STK39: variants seen among roughly 807,000 people sequenced by gnomAD.
The protein encoded by STK39 is serine/threonine kinase 39.
Under a neutral mutation model 77.8 loss-of-function variants are expected in STK39, and 20 were observed. The ratio of observed to expected loss-of-function variants is 0.26; its 90% confidence interval spans 0.18 to 0.37. The LOEUF (loss-of-function observed/expected upper bound fraction) is 0.37, where lower values mean the gene tolerates loss of function less well. STK39 is among the 10% of genes least tolerant of loss of function. The probability of loss-of-function intolerance (pLI) is 1.00; values close to 1 mark genes in which losing one functional copy is unlikely to be tolerated. For synonymous variants in STK39, 246 were observed against 234.1 expected (o/e 1.05, Z -0.47); for missense variants, 479 against 656.5 (o/e 0.73, Z 2.95).
At chr2:168,176,869 G>A (rs181469132) in intron 2 of STK39, among the ~76,000 whole-genome samples, 33 of 152,280 alleles carry the variant, frequency 2.2e-4, no homozygotes, top group Admixed American at 9.8e-4. Flanking sequence ...GAATTACCAT[G>A]CATGATTTGC....
At chr2:168,216,477 C>A (rs762911697) in intron 1 of STK39, among the ~76,000 whole-genome samples, 6 of 152,164 alleles carry the variant, frequency 3.9e-5, no homozygotes, top group African/African-American at 4.8e-5. Context: ...AACAGAAGCA[C>A]GCCTGCACAC....
At chr2:167,994,385 C>A (rs1423957182) in intron 16 of STK39, among the ~76,000 whole-genome samples, 1 of 152,132 alleles carries the variant, frequency 6.6e-6, no homozygotes, top group South Asian at 2.1e-4. Flanking sequence ...TACAATGCTA[C>A]AATGCAAACA....
At chr2:168,142,952 G>A (rs1291079495) in intron 5 of STK39, among the ~76,000 whole-genome samples, 1 of 152,172 alleles carries the variant, frequency 6.6e-6, no homozygotes, top group Admixed American at 6.5e-5. Context: ...ATATTATATT[G>A]AGATAGCTTG....
At chr2:168,243,863 C>A (rs920656671) in intron 1 of STK39, among the ~76,000 whole-genome samples, 1 of 152,162 alleles carries the variant, frequency 6.6e-6, no homozygotes, top group Admixed American at 6.5e-5. Context: ...GCTTTAAGTG[C>A]CCCTTATACT....
chr2:167,971,285 T>C (rs1194384137), intron 16 of STK39, among the ~76,000 whole-genome samples: 1 of 152,206 alleles, frequency 6.6e-6, no homozygotes, highest in East Asian at 1.9e-4. Flanking sequence ...GGTCTAGGAA[T>C]GGATTTAATC....
chr2:168,078,856 G>C (rs370321397), intron 10 of STK39, among the ~76,000 whole-genome samples: 2 of 151,978 alleles, frequency 1.3e-5, no homozygotes, highest in East Asian at 3.9e-4. Flanking sequence ...CCTTCGGTGG[G>C]AATCCTGCAC....
In STK39 at chr2:168,223,510, CAAAAAAA is replaced by C. The variant is rs60067513; in HGVS notation, c.208+23711_208+23717del. Among the ~76,000 whole-genome samples the C allele has an allele frequency of 1.2e-4, 12 of 102,214 alleles. 1 individual carries two copies. The highest frequency in any genetic ancestry group is 4.1e-4 in the African/African-American group (11 of 26,814). 67.1% of individuals were successfully genotyped at this position (102,214 alleles called of 152,430 possible). On this transcript the variant is annotated intron_variant, in intron 1 of 17. Coordinates refer to ENST00000355999, the MANE Select transcript of STK39 (RefSeq NM_013233.3). ...TGGGTGACAGAGTGAGACTCCGTCTCAAAAAAAAAAAAAAAAAAAGAAAAGAAAATTC... is the reference window on the plus strand; with the variant it reads ...TGGGTGACAGAGTGAGACTCCGTCTCAAAAAAAAAAAAGAAAAGAAAATTC...
intron 14 of STK39, among the ~76,000 whole-genome samples, chr2:168,059,425 G>C (rs772751206): frequency 1.1e-4 from 16 of 152,198 alleles, no homozygotes; most frequent in Non-Finnish European, 2.2e-4. Context: ...GAAAAACCTT[G>C]AACAGAAAGA....
intron 10 of STK39, among the ~76,000 whole-genome samples, chr2:168,076,285 T>C (rs1371657788): frequency 1.3e-5 from 2 of 152,152 alleles, no homozygotes; most frequent in African/African-American, 4.8e-5. Context: ...AACAAAGCCT[T>C]AGACTCCCAC....
chr2:168,133,632 C>G (rs1687757509), intron 8 of STK39, among the ~76,000 whole-genome samples: 1 of 151,956 alleles, frequency 6.6e-6, no homozygotes, highest in Non-Finnish European at 1.5e-5. Flanking sequence ...TTTGGGAGGC[C>G]AGATCACTTG....
At chr2:167,993,230 TG>T (rs1221496424) in intron 16 of STK39, among the ~76,000 whole-genome samples, 3 of 152,222 alleles carry the variant, frequency 2.0e-5, no homozygotes, top group Admixed American at 6.5e-5. Context: ...AGCCCCACAA[TG>T]GGCTCATGGA....
chr2:167,956,225 T>C (rs1030644757), intron 17 of STK39, among the ~76,000 whole-genome samples: 1 of 152,212 alleles, frequency 6.6e-6, no homozygotes, highest in African/African-American at 2.4e-5. Context: ...TGTCAAATAC[T>C]TTATTTTTCT....
rs547025906 is a variant in STK39, at chr2:168,205,772, T to C, written c.209-23682A>G. On this transcript the variant is annotated intron_variant, in intron 1 of 17. Transcript: ENST00000355999. ...AGTTCAAGGCTGCAGTAAGCCATGA[T>C]GGTACACTCCAACCTGGGCAAGATG... Among the ~76,000 whole-genome samples the C allele has an allele frequency of 3.3e-5, 5 of 152,166 alleles. No homozygotes were observed. In the East Asian group the frequency reaches 7.7e-4, roughly 24 times the overall value.
At chr2:168,110,971 C>A (rs1009417191) in intron 10 of STK39, among the ~76,000 whole-genome samples, 3 of 151,968 alleles carry the variant, frequency 2.0e-5, no homozygotes, top group Non-Finnish European at 4.4e-5. Flanking sequence ...ACTTTTTCTG[C>A]CTAAAATTCT....
chr2:168,219,546 T>A (rs1452625875), intron 1 of STK39, among the ~76,000 whole-genome samples: 1 of 151,994 alleles, frequency 6.6e-6, no homozygotes, highest in Non-Finnish European at 1.5e-5. Flanking sequence ...CCCTCTACTG[T>A]CCAAACCCAA....
intron 16 of STK39, among the ~76,000 whole-genome samples, chr2:167,965,452 C>T (rs923013929): frequency 2.0e-5 from 3 of 152,148 alleles, no homozygotes; most frequent in African/African-American, 7.2e-5. Flanking sequence ...TTGTTCTTCA[C>T]GGTGTAATGA....
intron 16 of STK39, among the ~76,000 whole-genome samples, chr2:167,971,062 G>A (rs1692329911): frequency 6.6e-6 from 1 of 152,140 alleles, no homozygotes; most frequent in Non-Finnish European, 1.5e-5. Flanking sequence ...CTGAAGAAGA[G>A]CTTCTAATGA....
chr2:168,186,572 T>C (rs1283897580), intron 1 of STK39, among the ~76,000 whole-genome samples: 2 of 152,200 alleles, frequency 1.3e-5, no homozygotes, highest in Non-Finnish European at 2.9e-5. Flanking sequence ...AGGGATTCTA[T>C]CCAAACGTGG....
At chr2:168,009,532 A>G (rs1385725961) in intron 16 of STK39, among the ~76,000 whole-genome samples, 1 of 152,198 alleles carries the variant, frequency 6.6e-6, no homozygotes, top group Non-Finnish European at 1.5e-5. Context: ...AAGCGCAAGG[A>G]ACATTACCAG....
Sources: allele counts gnomAD v4.1 joint callset (sites outside exome capture counted in the v4.1 genomes callset), GRCh38; gene constraint gnomAD v4.1.1; transcripts MANE v1.5; gene names NCBI Gene and HGNC (gene_info 2026-07-23, HGNC 2026-07-21).